The following CACNA1E variants were observed in gnomAD, a reference collection of about 807,000 sequenced individuals.
CACNA1E encodes the protein calcium voltage-gated channel subunit alpha1 E.
A neutral mutation model predicts 259.2 loss-of-function variants in CACNA1E; 40 were observed. That is an observed-to-expected ratio of 0.15 (90% CI 0.12 to 0.20). The LOEUF (loss-of-function observed/expected upper bound fraction) is 0.20. CACNA1E is among the 10% of genes least tolerant of loss of function. CACNA1E has a pLI of 1.00. For missense variants in CACNA1E, 1,874 were observed against 3,040.1 expected (o/e 0.62, Z 9.02); for synonymous variants, 1,104 against 1,138.5 (o/e 0.97, Z 0.61).
chr1:181,639,558 G>C (rs1210691708), intron 6 of CACNA1E, among the ~76,000 whole-genome samples: 1 of 152,218 alleles, frequency 6.6e-6, no homozygotes. Flanking sequence ...CCTTCCGACA[G>C]CTTACGTGCA....
intron 15 of CACNA1E, 73 bp from the exon 16 acceptor site, chr1:181,721,685 T>A: frequency 2.3e-6 from 2 of 869,346 alleles, no homozygotes; most frequent in Non-Finnish European, 3.8e-6. Context: ...AGGCCCAGAA[T>A]TTGCCCTTGG....
intron 7 of CACNA1E, among the ~76,000 whole-genome samples, chr1:181,706,099 G>A (rs1012115662): frequency 6.6e-6 from 1 of 152,100 alleles, no homozygotes; most frequent in African/African-American, 2.4e-5. Flanking sequence ...ACAGGCTGTT[G>A]CCAAGGGGCC....
intron 1 of CACNA1E, among the ~76,000 whole-genome samples, chr1:181,507,780 C>T (rs190581412): frequency 1.7e-3 from 254 of 152,310 alleles, no homozygotes; most frequent in Non-Finnish European, 2.9e-3. Flanking sequence ...GCAGCTTGAA[C>T]GAGAAAGTAC....
chr1:181,454,579 A>T (rs1440396703), intron 2 of CACNA1E, among the ~76,000 whole-genome samples: 2 of 152,198 alleles, frequency 1.3e-5, no homozygotes, highest in African/African-American at 4.8e-5. Context: ...GCATTCATGA[A>T]CTATTGCATC....
At chr1:181,554,479 CTGTT>C (rs935643674) in intron 3 of CACNA1E, among the ~76,000 whole-genome samples, 4 of 152,148 alleles carry the variant, frequency 2.6e-5, no homozygotes, top group African/African-American at 9.7e-5. Context: ...TTTTCCTAGT[CTGTT>C]TGTCCAATAA....
At chr1:181,538,691 T>G (rs752792903) in intron 3 of CACNA1E, among the ~76,000 whole-genome samples, 6 of 152,092 alleles carry the variant, frequency 3.9e-5, no homozygotes, top group Admixed American at 3.9e-4. Flanking sequence ...AGAGGTGATA[T>G]TTATTTAAGC....
Position 181,494,797 on chromosome 1 carries a change from A to G in CACNA1E, c.266+10787A>G, listed in dbSNP as rs1461323262. On this transcript the variant is annotated intron_variant, in intron 1 of 47. Coordinates refer to ENST00000367573, the MANE Select transcript of CACNA1E (RefSeq NM_001205293.3). ...ACCCTAAGTGCTATGTCATCTGCAG[A>G]TTTATAAGCAAATACTTAATGCTTT... 3.3e-5 allele frequency among the ~76,000 whole-genome samples: 5 copies of G among 152,336 alleles called. No individual in the cohort carries two copies. The East Asian group carries it at 5.8e-4, about 18-fold the overall frequency.
chr1:181,565,401 T>C (rs1313704505), intron 3 of CACNA1E, among the ~76,000 whole-genome samples: 2 of 152,234 alleles, frequency 1.3e-5, no homozygotes, highest in African/African-American at 2.4e-5. Flanking sequence ...CCCTGTAAGA[T>C]TGGCTTTATT....
chr1:181,451,552 G>A (rs530600049), intron 2 of CACNA1E, among the ~76,000 whole-genome samples: 2 of 152,296 alleles, frequency 1.3e-5, no homozygotes, highest in African/African-American at 4.8e-5. Context: ...GGGCATGGTG[G>A]CGCATGCCTG....
At position 181,483,676 on chromosome 1, in the gene CACNA1E, G is replaced by T. The variant is rs1470934442; in HGVS notation, c.-69G>T. 3.4e-5 allele frequency: 38 copies of T among 1,134,206 alleles called. No homozygotes were observed. The highest frequency in any genetic ancestry group is 4.3e-5 in the Non-Finnish European group (35 of 814,510). 70.3% of individuals were successfully genotyped at this position (1,134,206 alleles called of 1,614,324 possible). A position where few individuals can be genotyped will look rare whatever the true frequency, so the allele number is the denominator to read the frequency against. On this transcript the variant is annotated 5_prime_UTR_variant, in exon 1 of 48. Transcript: ENST00000367573. Reference sequence around the variant, plus strand: ...GCTCTGAGTCTCCGTGTGTCTTTCTGCTTGTTGCTGTGTGCGGGTGTTCGG... The same window carrying T: ...GCTCTGAGTCTCCGTGTGTCTTTCTTCTTGTTGCTGTGTGCGGGTGTTCGG...
intron 1 of CACNA1E, among the ~76,000 whole-genome samples, chr1:181,393,465 C>A (rs1319851621): frequency 6.6e-6 from 1 of 151,870 alleles, no homozygotes; most frequent in Non-Finnish European, 1.5e-5. Flanking sequence ...CTTTTCTTTT[C>A]TTTTTTTTCT....
At chr1:181,567,982 G>A (rs906706202) in intron 3 of CACNA1E, among the ~76,000 whole-genome samples, 5 of 151,808 alleles carry the variant, frequency 3.3e-5, no homozygotes, top group Admixed American at 3.3e-4. Context: ...CACACATCTG[G>A]CTTGTGATGT....
At chr1:181,373,537 C>CTTTTTTTTTTTTTTT in intron 1 of CACNA1E, among the ~76,000 whole-genome samples, 1 of 120,924 alleles carries the variant, frequency 8.3e-6, no homozygotes, top group Non-Finnish European at 1.7e-5. Flanking sequence ...TCTTTTCTTT[C>CTTTTTTTTTTTTTTT]TTTTTTTTTT....
intron 1 of CACNA1E, among the ~76,000 whole-genome samples, chr1:181,372,534 C>T (rs1028475573): frequency 5.3e-5 from 8 of 152,058 alleles, no homozygotes; most frequent in African/African-American, 1.4e-4. Flanking sequence ...AGAATCATAT[C>T]GTCTGCAAAG....
At chr1:181,624,991 C>T (rs1439682961) in intron 6 of CACNA1E, among the ~76,000 whole-genome samples, 1 of 150,966 alleles carries the variant, frequency 6.6e-6, no homozygotes, top group Non-Finnish European at 1.5e-5. Context: ...TTTCCTTGTG[C>T]ATGTTCATGA....
intron 1 of CACNA1E, among the ~76,000 whole-genome samples, chr1:181,354,029 G>T (rs1434670421): frequency 6.6e-6 from 1 of 152,162 alleles, no homozygotes; most frequent in African/African-American, 2.4e-5. Context: ...TTGCCCTGCT[G>T]CCTGACTCGG....
At chr1:181,668,082 A>G (rs1389848113) in intron 7 of CACNA1E, among the ~76,000 whole-genome samples, 5 of 152,126 alleles carry the variant, frequency 3.3e-5, no homozygotes, top group Non-Finnish European at 7.4e-5. Flanking sequence ...ATCACGTGTA[A>G]ATTTGCATAA....
rs879655024 is a variant in CACNA1E, at chr1:181,720,188, A to T, written c.1752-18A>T. ...GGTATGCAGTGTTCACAGCTGTCAC[A>T]TTGTCTGGGTTTTGTAGGTATTGGG... On this transcript the variant is annotated intron_variant, in intron 13 of 47. Coordinates refer to ENST00000367573, the MANE Select transcript of CACNA1E (RefSeq NM_001205293.3). The T allele has an allele frequency of 6.2e-6, 10 of 1,613,658 alleles. No homozygotes were observed. Among genetic ancestry groups the T allele is most frequent in the Admixed American group, 5.0e-5 (3 of 60,010 alleles).
Position 181,327,000 on chromosome 1 carries a change from CT to C in CACNA1E, c.-15+8879del, listed in dbSNP as rs1304289051. On this transcript the variant is annotated intron_variant, in intron 1 of 11. Transcript: ENST00000524607. ...CAATCCCTTTGGGCTGTCCTGGGTT[CT>C]TCTCCTTTGCACTCCCTTGGCATCC... Among the ~76,000 whole-genome samples, 7 of 152,298 alleles carry C rather than the reference CT, an allele frequency of 4.6e-5. No homozygotes were observed. In the East Asian group the frequency reaches 7.7e-4, roughly 17 times the overall value.
Sources: gnomAD v4.1 joint callset for allele counts (sites outside exome capture counted in the v4.1 genomes callset) on GRCh38, gnomAD v4.1.1 for gene constraint, MANE v1.5 for transcripts, NCBI Gene and HGNC (gene_info 2026-07-23, HGNC 2026-07-21) for gene names.